PACS2: variants seen among roughly 807,000 people sequenced by gnomAD.
PACS2 encodes phosphofurin acidic cluster sorting protein 2, also known as PACS1-like protein.
A neutral mutation model predicts 113.0 loss-of-function variants in PACS2; 36 were observed. The observed-to-expected ratio is 0.32, with a 90% CI of 0.24 to 0.42. The LOEUF is 0.42. PACS2 is among the 10% of genes least tolerant of loss of function. The pLI, the probability that PACS2 is intolerant of heterozygous loss-of-function variation, is 1.00. For missense variants in PACS2, 1,015 were observed against 1,239.5 expected (o/e 0.82, Z 2.72); for synonymous variants, 589 against 536.1 (o/e 1.10, Z -1.36).
At chr14:105,393,576 G>T (rs2081437018) in intron 24 of PACS2, 6 of 420,146 alleles carry the variant, frequency 1.4e-5, no homozygotes, top group Non-Finnish European at 2.5e-5. Flanking sequence ...CGTTTTTCTT[G>T]TTTGTTTTTT....
Position 105,394,617 on chromosome 14 carries a change from C to T in PACS2, c.2660C>T (p.Ser887Leu), listed in dbSNP as rs374638981. 2 of 1,613,368 alleles carry T rather than the reference C, an allele frequency of 1.2e-6. No individual in the cohort carries two copies. Among genetic ancestry groups the T allele is most frequent in the African/African-American group, 1.3e-5 (1 of 74,938 alleles). ...TTCCAGCTGGCCGCGCAGTGGTCCT[C>T]GCACGTGAAGCACTTCCCCATCTGC... ...KFFQLAAQWS[S>L]HVKHFPICIF... The change falls in exon 25 of 25, where the codon TCG becomes TTG. Residue 887 changes from serine to leucine, a missense_variant. Ser to Leu is a moderately radical substitution (Grantham distance 145, BLOSUM62 -2). Around this residue, in one of 3 missense-constraint regions of PACS2, gnomAD observed 859 missense variants for 1,056.8 expected, o/e 0.81. Transcript: ENST00000447393.
chr14:105,313,542 G>A (rs1434618054), upstream of PACS2, among the ~76,000 whole-genome samples: 1 of 152,248 alleles, frequency 6.6e-6, no homozygotes, highest in African/African-American at 2.4e-5. Context: ...TCTAGATACA[G>A]GAGTTACAGC....
intron 1 of PACS2, among the ~76,000 whole-genome samples, chr14:105,318,595 G>T (rs1168070882): frequency 1.3e-5 from 2 of 151,460 alleles, no homozygotes; most frequent in Non-Finnish European, 1.5e-5. Context: ...GACTACAGGC[G>T]CCTGCCAGCA....
chr14:105,350,910 GC>G (rs2060147937), intron 2 of PACS2, among the ~76,000 whole-genome samples: 1 of 152,206 alleles, frequency 6.6e-6, no homozygotes, highest in African/African-American at 2.4e-5. Flanking sequence ...GAGGAGAGCC[GC>G]GCTGCCTCTT....
upstream of PACS2, among the ~76,000 whole-genome samples, chr14:105,310,898 T>G (rs1595527159): frequency 6.6e-6 from 1 of 152,392 alleles, no homozygotes; most frequent in East Asian, 1.9e-4. Flanking sequence ...AGGTGTTTTA[T>G]ATGTATAATC....
At position 105,357,668 on chromosome 14, in the gene PACS2, C is replaced by T. The variant is rs1453004302; in HGVS notation, c.423+2491C>T. On this transcript the variant is annotated intron_variant, in intron 4 of 24. Coordinates refer to ENST00000447393, the MANE Select transcript of PACS2 (RefSeq NM_001100913.3). The surrounding 1 kb of genome is among the most constrained non-coding windows in gnomAD (Gnocchi z 5.1). ...GTATGAGCACGGGAGATTGCGGAGG[C>T]GGGACAGCCCCGAGGGCACAGACGG... 1.3e-5 allele frequency among the ~76,000 whole-genome samples: 2 copies of T among 152,130 alleles called. No homozygotes were observed. Among genetic ancestry groups the T allele is most frequent in the Non-Finnish European group, 1.5e-5 (1 of 68,020 alleles).
rs191024592 is a variant in PACS2 at position 105,343,352 on chromosome 14, A to G, written c.120-5141A>G. The stretch of plus-strand genomic sequence containing the variant: ...GTGCATTAGGGATCTGTGTAGGGAC[A>G]TATGCTTTCATTTCCCTTGGACCAA... On this transcript the variant is annotated intron_variant, in intron 1 of 24. Transcript: ENST00000447393. 3.0e-4 allele frequency among the ~76,000 whole-genome samples: 46 copies of G among 152,286 alleles called. 1 individual carries two copies. The highest frequency in any genetic ancestry group is 1.0e-3 in the African/African-American group (42 of 41,552).
At chr14:105,379,353 A>G (rs1439793027) in intron 9 of PACS2, among the ~76,000 whole-genome samples, 1 of 152,220 alleles carries the variant, frequency 6.6e-6, no homozygotes. Flanking sequence ...CTGGCTGCAG[A>G]TCCCAGGGCT....
chr14:105,358,635 G>A lies in PACS2; in HGVS notation c.423+3458G>A, dbSNP rs2060547260. Among the ~76,000 whole-genome samples, 1 of 152,216 alleles carries A rather than the reference G, an allele frequency of 6.6e-6. No individual in the cohort carries two copies. The highest frequency in any genetic ancestry group is 1.5e-5 in the Non-Finnish European group (1 of 68,032). Reference sequence around the variant, plus strand: ...AGGAAGGTTGACAGACCCATGACCAGGCGAAGGGGTGACCTGGGAGTGCGG... The same window carrying A: ...AGGAAGGTTGACAGACCCATGACCAAGCGAAGGGGTGACCTGGGAGTGCGG... On this transcript the variant is annotated intron_variant, in intron 4 of 24. Transcript: ENST00000447393. The surrounding 1 kb of genome is among the most constrained non-coding windows in gnomAD (Gnocchi z 4.9).
intron 17 of PACS2, 87 bp downstream of exon 17, chr14:105,384,550 A>G (rs1390011491): frequency 1.2e-6 from 1 of 807,738 alleles, no homozygotes; most frequent in East Asian, 2.6e-5. Flanking sequence ...GAGGCCCTGC[A>G]CCTGCTCAGG....
Position 105,384,417 on chromosome 14 carries a change from C to T in PACS2, c.1845C>T (p.Asp615=), listed in dbSNP as rs782722528. 5.4e-5 allele frequency: 87 copies of T among 1,612,432 alleles called. No homozygotes were observed. Among genetic ancestry groups the T allele is most frequent in the Non-Finnish European group, 7.0e-5 (83 of 1,179,838 alleles). ...VDYRYNNFFQ[D]LAWRDLFNKL... is the part of the protein sequence containing the mutation. ...ACCGCTACAACAACTTCTTCCAGGA[C>T]CTGGCCTGGAGAGACCTGTTCAACA... is the stretch of plus-strand genomic sequence containing the variant. The change falls in exon 17 of 25, where the codon GAC becomes GAT. Residue 615 remains aspartate, a synonymous_variant. Transcript: ENST00000447393.
At chr14:105,311,494 A>G (rs587676380), upstream of PACS2, among the ~76,000 whole-genome samples, 5 of 152,144 alleles carry the variant, frequency 3.3e-5, no homozygotes, top group South Asian at 1.0e-3. Flanking sequence ...AGGTCACGGG[A>G]TCTGTGCGCT....
chr14:105,336,064 T>A (rs116762609), intron 1 of PACS2, among the ~76,000 whole-genome samples: 5,731 of 152,262 alleles, frequency 0.038, 398 homozygotes, highest in African/African-American at 0.13. Flanking sequence ...TGTGGCCAGC[T>A]GCCGCCACAG....
chr14:105,316,987 C>T (rs1163394621), intron 1 of PACS2, among the ~76,000 whole-genome samples: 3 of 152,218 alleles, frequency 2.0e-5, no homozygotes, highest in Non-Finnish European at 4.4e-5. Flanking sequence ...CTTACCTGTC[C>T]TGGAACAGGG....
At chr14:105,378,848 G>C (rs901162947) in intron 9 of PACS2, among the ~76,000 whole-genome samples, 3 of 152,144 alleles carry the variant, frequency 2.0e-5, no homozygotes, top group Non-Finnish European at 4.4e-5. Context: ...CAGATGGTCT[G>C]CAAGGGTCTG....
chr14:105,351,869 G>A (rs8021520), intron 2 of PACS2, among the ~76,000 whole-genome samples: 14,825 of 152,128 alleles, frequency 0.097, 2,428 homozygotes, highest in African/African-American at 0.34. Flanking sequence ...ATAAAAAAAT[G>A]CTTTAAGCCA....
chr14:105,307,071 G>T (rs2058210834), intron 1 of PACS2, among the ~76,000 whole-genome samples: 1 of 151,264 alleles, frequency 6.6e-6, no homozygotes, highest in African/African-American at 2.4e-5. Context: ...TTGAGGCAGG[G>T]TCTCACTCTG....
At position 105,397,537 on chromosome 14, in the gene PACS2, C is replaced by A. The variant is rs1447985291; in HGVS notation, c.*2865C>A. The A allele has an allele frequency of 6.6e-6, 1 of 152,346 alleles. No individual in the cohort carries two copies. The highest frequency in any genetic ancestry group is 1.5e-5 in the Non-Finnish European group (1 of 68,114). The allele number at this position is 152,346 out of a possible 1,614,324, so 9.4% of individuals were successfully genotyped here. ...CTATTACGTAGACAGACCCCACCCTCACCCAGGCCAGCTGTGGGCCAGTCC... is the reference window on the plus strand; with the variant it reads ...CTATTACGTAGACAGACCCCACCCTAACCCAGGCCAGCTGTGGGCCAGTCC... On this transcript the variant is annotated 3_prime_UTR_variant, in exon 25 of 25. Coordinates refer to ENST00000447393, the MANE Select transcript of PACS2 (RefSeq NM_001100913.3).
rs201181052 is a variant in PACS2, at chr14:105,382,497, T to C, written c.1434T>C (p.Tyr478=). The C allele has an allele frequency of 7.8e-5, 126 of 1,609,798 alleles. No individual in the cohort carries two copies. The highest frequency in any genetic ancestry group is 3.3e-4 in the Middle Eastern group (2 of 6,072). Reference sequence around the variant, plus strand: ...TCCAGATCCCCAGGAAGACTGTGTATGACCAGCTCAACCACATCCTCATCT... The same window carrying C: ...TCCAGATCCCCAGGAAGACTGTGTACGACCAGCTCAACCACATCCTCATCT... The part of the protein sequence containing the change: ...VQLQIPRKTV[Y]DQLNHILISD... Residue 478 remains tyrosine, a synonymous_variant, in exon 14 of 25, where the codon TAT becomes TAC. Coordinates refer to ENST00000447393, the MANE Select transcript of PACS2 (RefSeq NM_001100913.3).
Sources: allele counts gnomAD v4.1 joint callset (sites outside exome capture counted in the v4.1 genomes callset), GRCh38; gene constraint gnomAD v4.1.1; regional missense constraint gnomAD v4.1.1; non-coding constraint Gnocchi (gnomAD v3.1); transcripts MANE v1.5; gene names NCBI Gene and HGNC (gene_info 2026-07-23, HGNC 2026-07-21).